The following PFKFB2 variants were observed in gnomAD, a reference collection of about 807,000 sequenced individuals.
PFKFB2 encodes the protein 6-phosphofructo-2-kinase/fructose-2,6-bisphosphatase 2.
A neutral mutation model predicts 68.0 loss-of-function variants in PFKFB2; 53 were observed. The observed-to-expected ratio is 0.78, with a 90% CI of 0.63 to 0.98. PFKFB2 has a LOEUF of 0.98. Among genes scored for constraint, PFKFB2 ranks in the 50% least tolerant of loss-of-function variants. The pLI is 0.00. For synonymous variants in PFKFB2, 222 were observed against 227.6 expected (o/e 0.98, Z 0.22); for missense variants, 451 against 642.0 (o/e 0.70, Z 3.22).
At chr1:207,065,208 C>T in intron 8 of PFKFB2, 48 bp downstream of exon 8, 1 of 1,602,426 alleles carries the variant, frequency 6.2e-7, no homozygotes. Context: ...AAGGTCTCAT[C>T]TGGGAAAATA....
chr1:207,057,324 A>C (rs1029645140), intron 2 of PFKFB2, among the ~76,000 whole-genome samples: 2 of 149,302 alleles, frequency 1.3e-5, no homozygotes, highest in African/African-American at 2.4e-5. Flanking sequence ...AAAAAAAAAA[A>C]AAAACTAGCC....
chr1:207,036,366 T>C (rs1393083572), intron 1 of PFKFB2, among the ~76,000 whole-genome samples: 1 of 152,354 alleles, frequency 6.6e-6, no homozygotes, highest in African/African-American at 2.4e-5. Flanking sequence ...CTGGATTCCT[T>C]TGAGTCACTA....
At chr1:207,065,221 C>G in intron 8 of PFKFB2, 61 bp downstream of exon 8, 1 of 1,592,294 alleles carries the variant, frequency 6.3e-7, no homozygotes, top group Non-Finnish European at 8.5e-7. Flanking sequence ...GGAAAATAAC[C>G]TTTCTCCCTG....
In PFKFB2 at chr1:207,075,272, A is replaced by G; in HGVS notation, c.*2901A>G. On this transcript the variant is annotated 3_prime_UTR_variant, in exon 15 of 15. Transcript: ENST00000367080. Reference sequence around the variant, plus strand: ...TCACCTGTGCTAGTTCGCTTTCTCCAGAAGAGGAGCTGAGGTGGTCTTATC... The same window carrying G: ...TCACCTGTGCTAGTTCGCTTTCTCCGGAAGAGGAGCTGAGGTGGTCTTATC... 1.0e-6 allele frequency: 1 copy of G among 985,442 alleles called. No individual in the cohort carries two copies. The highest frequency in any genetic ancestry group is 1.2e-6 in the Non-Finnish European group (1 of 829,922). 61.0% of individuals were successfully genotyped at this position (985,442 alleles called of 1,614,324 possible).
Position 207,074,326 on chromosome 1 carries a change from G to A in PFKFB2, c.*1955G>A. ...TGTTAAATGATATAACCCCCTGGAA[G>A]GCAGGCTGCTGTGTTTTAGAGGGTT... On this transcript the variant is annotated 3_prime_UTR_variant, in exon 15 of 15. Coordinates refer to ENST00000367080, the MANE Select transcript of PFKFB2 (RefSeq NM_006212.2). 3 of 985,432 alleles carry A rather than the reference G, an allele frequency of 3.0e-6. No homozygotes were observed. The highest frequency in any genetic ancestry group is 3.6e-6 in the Non-Finnish European group (3 of 829,918). 61.0% of individuals were successfully genotyped at this position (985,432 alleles called of 1,614,324 possible).
intron 2 of PFKFB2, among the ~76,000 whole-genome samples, chr1:207,059,417 CA>C (rs1683021242): frequency 6.6e-6 from 1 of 152,106 alleles, no homozygotes; most frequent in Non-Finnish European, 1.5e-5. Flanking sequence ...AGTGAAGACT[CA>C]GGGGATTTTA....
rs1572731533 is a variant in PFKFB2, at chr1:207,068,283, T to C, written c.961T>C (p.Trp321Arg). Residue 321 changes from tryptophan to arginine, a missense_variant, in exon 10 of 15, where the codon TGG becomes CGG. Transcript: ENST00000367080. ...AESLGVPYEQ[W>R]KILNEIDAGV... ...ATCTCTCGGGGTGCCCTATGAGCAG[T>C]GGAAGATTCTGAATGAGATTGATGC... 3.1e-6 allele frequency: 5 copies of C among 1,597,446 alleles called. No individual in the cohort carries two copies. Among genetic ancestry groups the C allele is most frequent in the Admixed American group, 3.5e-5 (2 of 56,880 alleles).
intron 8 of PFKFB2, among the ~76,000 whole-genome samples, chr1:207,067,062 C>T (rs1259809742): frequency 6.6e-6 from 1 of 152,218 alleles, no homozygotes; most frequent in Non-Finnish European, 1.5e-5. Flanking sequence ...AGTATATAGA[C>T]ATTTCTGTCT....
At chr1:207,059,687 A>T (rs1488882000) in intron 2 of PFKFB2, among the ~76,000 whole-genome samples, 4 of 151,950 alleles carry the variant, frequency 2.6e-5, no homozygotes, top group African/African-American at 7.3e-5. Context: ...CTGGGCCTCC[A>T]TTTCTCCCTC....
chr1:207,057,072 T>G (rs2102339822), intron 2 of PFKFB2, among the ~76,000 whole-genome samples: 1 of 152,164 alleles, frequency 6.6e-6, no homozygotes, highest in East Asian at 1.9e-4. Context: ...GGACTTCAAC[T>G]GCTCCAGGGA....
chr1:207,066,693 C>T (rs2102270601), intron 8 of PFKFB2, among the ~76,000 whole-genome samples: 1 of 152,230 alleles, frequency 6.6e-6, no homozygotes, highest in African/African-American at 2.4e-5. Flanking sequence ...GCTCTTGTTG[C>T]CCAGGCTGGA....
chr1:207,073,791 T>A lies in PFKFB2; in HGVS notation c.*1420T>A, dbSNP rs1220010189. The A allele has an allele frequency of 1.0e-6, 1 of 985,162 alleles. No individual in the cohort carries two copies. Among genetic ancestry groups the A allele is most frequent in the Non-Finnish European group, 1.2e-6 (1 of 829,792 alleles). The allele number at this position is 985,162 out of a possible 1,614,324, so 61.0% of individuals were successfully genotyped here. On this transcript the variant is annotated 3_prime_UTR_variant, in exon 15 of 15. Coordinates refer to ENST00000367080, the MANE Select transcript of PFKFB2 (RefSeq NM_006212.2). The stretch of plus-strand genomic sequence containing the variant: ...CCCCTTGATGACCATGATGGCTTAT[T>A]CTCTTTCCCAATTTTGCATGCAAAA...
chr1:207,060,471 A>G (rs1374497128), intron 2 of PFKFB2, among the ~76,000 whole-genome samples: 1 of 152,222 alleles, frequency 6.6e-6, no homozygotes, highest in Non-Finnish European at 1.5e-5. Flanking sequence ...AAGCTTCCTG[A>G]GGTCTATTCA....
chr1:207,074,348 G>A lies in PFKFB2; in HGVS notation c.*1977G>A, dbSNP rs1369723429. ...GAAGGCAGGCTGCTGTGTTTTAGAG[G>A]GTTATTCTAGGTTCTAGTCCCATCT... On this transcript the variant is annotated 3_prime_UTR_variant, in exon 15 of 15. Coordinates refer to ENST00000367080, the MANE Select transcript of PFKFB2 (RefSeq NM_006212.2). 1.0e-6 allele frequency: 1 copy of A among 985,216 alleles called. No individual in the cohort carries two copies. The highest frequency in any genetic ancestry group is 1.7e-5 in the African/African-American group (1 of 57,192). The allele number at this position is 985,216 out of a possible 1,614,324, so 61.0% of individuals were successfully genotyped here.
rs746375102 is a variant in PFKFB2 at position 207,063,391 on chromosome 1, T to A, written c.420T>A (p.Ile140=). 6.2e-7 allele frequency: 1 copy of A among 1,613,824 alleles called. No individual in the cohort carries two copies. Among genetic ancestry groups the A allele is most frequent in the Non-Finnish European group, 8.5e-7 (1 of 1,179,750 alleles). The change falls in exon 6 of 15, where the codon ATT becomes ATA. Residue 140 remains isoleucine, a synonymous_variant. Transcript: ENST00000367080. The surrounding 1 kb of genome is among the most constrained non-coding windows in gnomAD (Gnocchi z 4.1). ...TNTTRERRDM[I]LNFAEQNSFK... is the part of the protein sequence containing the mutation. Reference sequence around the variant, plus strand: ...CAACCCGGGAGAGGAGGGACATGATTTTGAACTTTGCTGAACAGAATTCCT... The same window carrying A: ...CAACCCGGGAGAGGAGGGACATGATATTGAACTTTGCTGAACAGAATTCCT...
downstream of PFKFB2, chr1:207,079,031 T>C (rs1302145459): frequency 1.9e-6 from 3 of 1,606,168 alleles, no homozygotes; most frequent in Admixed American, 5.0e-5. Context: ...GATGTGGATG[T>C]TCAGGCCTCA....
At chr1:207,050,676 C>A (rs1261369290), upstream of PFKFB2, 1 of 1,612,844 alleles carries the variant, frequency 6.2e-7, no homozygotes, top group Non-Finnish European at 8.5e-7. Flanking sequence ...GGCCCCAGCC[C>A]TGATTCCTTA....
chr1:207,053,054 A>C (rs1224706349), upstream of PFKFB2: 3 of 152,242 alleles, frequency 2.0e-5, no homozygotes. Context: ...ACCAAGCAAC[A>C]GTGCCACCAG....
chr1:207,038,414 C>T (rs1170745046), intron 1 of PFKFB2, among the ~76,000 whole-genome samples: 1 of 152,160 alleles, frequency 6.6e-6, no homozygotes, highest in Non-Finnish European at 1.5e-5. Flanking sequence ...AAATCTGGAT[C>T]CTTGCCTGCT....
Sources: gnomAD v4.1 joint callset for allele counts (sites outside exome capture counted in the v4.1 genomes callset) on GRCh38, gnomAD v4.1.1 for gene constraint, Gnocchi (gnomAD v3.1) non-coding constraint, MANE v1.5 for transcripts, NCBI Gene and HGNC (gene_info 2026-07-23, HGNC 2026-07-21) for gene names.